Variants in POFUT3 observed in about 807,000 individuals in gnomAD.
POFUT3 encodes the protein protein O-fucosyltransferase 3, also known as GDP-fucose protein O-fucosyltransferase 3.
At chr8:33,379,619 C>T in the POFUT3 span, among the ~76,000 whole-genome samples, 16 of 151,610 alleles carry the variant, frequency 1.1e-4, no homozygotes, top group South Asian at 3.3e-3. Context: ...AGGTGGATCA[C>T]GAGGTCAGGA....
At chr8:33,451,632 A>G in the POFUT3 span, 3 of 151,992 alleles carry the variant, frequency 2.0e-5, no homozygotes, top group South Asian at 2.1e-4. Flanking sequence ...ATGTGTGTAT[A>G]CGTGTATATG....
chr8:33,362,449 G>A, the POFUT3 span, among the ~76,000 whole-genome samples: 1 of 152,090 alleles, frequency 6.6e-6, no homozygotes, highest in East Asian at 1.9e-4. Flanking sequence ...TGGGCTAAAT[G>A]CCCCCATTAA....
At chr8:33,455,778 T>C in the POFUT3 span, 1 of 456,130 alleles carries the variant, frequency 2.2e-6, no homozygotes, top group East Asian at 7.0e-5. Context: ...ACCTCTTTTA[T>C]GTGCTCGCTG....
the POFUT3 span, among the ~76,000 whole-genome samples, chr8:33,427,877 A>G: frequency 1.3e-5 from 2 of 152,230 alleles, no homozygotes; most frequent in Non-Finnish European, 2.9e-5. Flanking sequence ...CTGTAATCCC[A>G]GCACTTTGGG....
the POFUT3 span, among the ~76,000 whole-genome samples, chr8:33,404,880 A>T: frequency 4.6e-5 from 7 of 152,192 alleles, no homozygotes; most frequent in Admixed American, 1.3e-4. Context: ...TAAAATTTAA[A>T]GTTTCATCAC....
At chr8:33,442,034 C>G in the POFUT3 span, among the ~76,000 whole-genome samples, 1 of 152,094 alleles carries the variant, frequency 6.6e-6, no homozygotes, top group Non-Finnish European at 1.5e-5. Flanking sequence ...ACTGCAACCT[C>G]CGCCTCCTGG....
the POFUT3 span, among the ~76,000 whole-genome samples, chr8:33,400,008 T>C: frequency 1.3e-5 from 2 of 151,552 alleles, no homozygotes; most frequent in South Asian, 2.1e-4. Context: ...GGAGCATATA[T>C]AGCTTTGATA....
chr8:33,414,198 T>C, the POFUT3 span, among the ~76,000 whole-genome samples: 2 of 151,804 alleles, frequency 1.3e-5, no homozygotes, highest in Admixed American at 1.3e-4. Context: ...CAAGCCCAAA[T>C]AGGTTTTGTA....
chr8:33,453,342 T>C, the POFUT3 span: 6 of 1,614,132 alleles, frequency 3.7e-6, no homozygotes, highest in Non-Finnish European at 5.1e-6. Context: ...CACCAGAGCA[T>C]AATGGGGTAG....
the POFUT3 span, chr8:33,461,743 CT>C: frequency 4.6e-6 from 5 of 1,092,092 alleles, no homozygotes; most frequent in Non-Finnish European, 3.7e-6. Flanking sequence ...AAAAGATCAT[CT>C]TTTAGCCATA....
At chr8:33,457,623 G>A in the POFUT3 span, among the ~76,000 whole-genome samples, 1 of 151,956 alleles carries the variant, frequency 6.6e-6, no homozygotes, top group African/African-American at 2.4e-5. Flanking sequence ...GTAGCAATAT[G>A]GTTACATTAT....
chr8:33,375,842 C>G, the POFUT3 span, among the ~76,000 whole-genome samples: 1 of 151,814 alleles, frequency 6.6e-6, no homozygotes, highest in Non-Finnish European at 1.5e-5. Flanking sequence ...CATGGTGAAA[C>G]CCTGTCTTTA....
chr8:33,424,213 CA>C, the POFUT3 span, among the ~76,000 whole-genome samples: 1 of 151,960 alleles, frequency 6.6e-6, no homozygotes. Flanking sequence ...AGTTTAGCCA[CA>C]ATATGATTTG....
At chr8:33,424,221 T>C in the POFUT3 span, among the ~76,000 whole-genome samples, 1 of 152,062 alleles carries the variant, frequency 6.6e-6, no homozygotes, top group African/African-American at 2.4e-5. Flanking sequence ...CACAATATGA[T>C]TTGGGCAAAT....
the POFUT3 span, among the ~76,000 whole-genome samples, chr8:33,396,128 G>A: frequency 6.6e-6 from 1 of 152,086 alleles, no homozygotes; most frequent in Non-Finnish European, 1.5e-5. Context: ...TGGGAGTGCT[G>A]GCTAGAGAGT....
the POFUT3 span, among the ~76,000 whole-genome samples, chr8:33,401,935 A>G: frequency 3.0e-3 from 456 of 152,186 alleles, 4 homozygotes; most frequent in African/African-American, 0.011. Flanking sequence ...GCTGAGACAC[A>G]AGAATTGCTT....
the POFUT3 span, among the ~76,000 whole-genome samples, chr8:33,467,093 G>A: frequency 5.3e-5 from 8 of 150,618 alleles, no homozygotes; most frequent in South Asian, 2.1e-4. Context: ...GCTACAGAGC[G>A]AGACTCTGTC....
the POFUT3 span, among the ~76,000 whole-genome samples, chr8:33,325,952 G>T: frequency 2.7e-4 from 41 of 152,194 alleles, no homozygotes; most frequent in Non-Finnish European, 5.3e-4. Context: ...AGCAATGCAC[G>T]GTTTGGTGCA....
the POFUT3 span, among the ~76,000 whole-genome samples, chr8:33,431,482 A>T: frequency 7.7e-6 from 1 of 129,826 alleles, no homozygotes; most frequent in African/African-American, 2.8e-5. Context: ...TGGGAGGCAG[A>T]GGTTGCAGTG....
Sources: gnomAD v4.1 joint callset for allele counts (sites outside exome capture counted in the v4.1 genomes callset) on GRCh38, gnomAD v4.1.1 for gene constraint, MANE v1.5 for transcripts, NCBI Gene and HGNC (gene_info 2026-07-23, HGNC 2026-07-21) for gene names.